The following LRP1 variants were observed in gnomAD, a reference collection of about 807,000 sequenced individuals.
LRP1 encodes prolow-density lipoprotein receptor-related protein 1.
LRP1 carries 51 observed loss-of-function variants against 541.5 expected under a neutral mutation model. That is an observed-to-expected ratio of 0.09 (90% CI 0.08 to 0.12). The LOEUF (loss-of-function observed/expected upper bound fraction) is 0.12, where lower values mean the gene tolerates loss of function less well. Ranked by LOEUF, LRP1 falls within the 10% of genes least tolerant of loss-of-function variation. The pLI, the probability that LRP1 is intolerant of heterozygous loss-of-function variation, is 1.00. For synonymous variants in LRP1, 2,219 were observed against 2,470.8 expected, an observed-to-expected ratio of 0.90 and a Z score of 3.02; for missense variants, 3,878 against 6,376.2, an observed-to-expected ratio of 0.61 and a Z score of 13.34.
chr12:57,201,008 C>T lies in LRP1; in HGVS notation c.10226-26C>T, dbSNP rs369571748. ...CTGCCCCTGAGTCCTCCCTTCGCCA[C>T]GAATCACCTCCTCCTCCCTCCACAG... On this transcript the variant is annotated intron_variant, in intron 64 of 88. Transcript: ENST00000243077. The surrounding 1 kb of genome is among the most constrained non-coding windows in gnomAD (Gnocchi z 6.4). The T allele has an allele frequency of 1.9e-5, 30 of 1,613,780 alleles. No individual in the cohort carries two copies. Among genetic ancestry groups the T allele is most frequent in the South Asian group, 6.6e-5 (6 of 91,038 alleles).
chr12:57,205,502 G>C lies in LRP1; in HGVS notation c.11470+17G>C, dbSNP rs781450836. 3.1e-6 allele frequency: 5 copies of C among 1,611,920 alleles called. No individual in the cohort carries two copies. Among genetic ancestry groups the C allele is most frequent in the South Asian group, 1.1e-5 (1 of 91,040 alleles). On this transcript the variant is annotated intron_variant, in intron 74 of 88. Coordinates refer to ENST00000243077, the MANE Select transcript of LRP1 (RefSeq NM_002332.3). This position sits in a 1 kb window ranked among gnomAD's most constrained non-coding sequence, Gnocchi z 4.6. Reference sequence around the variant, plus strand: ...GATGCCAAGGTAGGAAAGCGGGGCAGAGCAGGGGTGGACACCCCAACTGTG... The same window carrying C: ...GATGCCAAGGTAGGAAAGCGGGGCACAGCAGGGGTGGACACCCCAACTGTG...
At chr12:57,141,577 G>T in intron 3 of LRP1, 66 bp downstream of exon 3, 2 of 1,596,366 alleles carry the variant, frequency 1.3e-6, no homozygotes, top group Non-Finnish European at 1.7e-6. Context: ...ACCTTCCGAG[G>T]ACTGTCCTGG....
Position 57,211,930 on chromosome 12 carries a change from T to C in LRP1, c.13262T>C (p.Ile4421Thr), listed in dbSNP as rs140219533. 4.0e-5 allele frequency: 65 copies of C among 1,613,940 alleles called. No individual in the cohort carries two copies. Among genetic ancestry groups the C allele is most frequent in the Middle Eastern group, 1.6e-4 (1 of 6,084 alleles). ...HVFSQQQPGH[I>T]ASILIPLLLL... ...GTGTCCCACCTCTTCCCTCCAGATA[T>C]AGCCTCCATCCTAATCCCTCTGCTG... The change falls in exon 87 of 89, where the codon ATA becomes ACA. Residue 4421 changes from isoleucine to threonine, a missense_variant. By Grantham distance (89) the Ile-to-Thr change is moderately conservative. This residue lies in a region of LRP1 where 871 missense variants were observed against 1,212.4 expected (regional missense o/e 0.72). Transcript: ENST00000243077. This position sits in a 1 kb window ranked among gnomAD's most constrained non-coding sequence, Gnocchi z 4.3.
At chr12:57,210,909 A>G in intron 83 of LRP1, 30 bp downstream of exon 83, 1 of 1,597,166 alleles carries the variant, frequency 6.3e-7, no homozygotes, top group Non-Finnish European at 8.6e-7. Flanking sequence ...GCCCCAGGGC[A>G]TGCGGGAGGG....
chr12:57,185,243 G>A lies in LRP1; in HGVS notation c.6463+38G>A. Reference sequence around the variant, plus strand: ...CTCTGGGCTGGGGTGGAGAGGTGAGGGGGACTCTGGCCTGGGAGAGTGCTC... The same window carrying A: ...CTCTGGGCTGGGGTGGAGAGGTGAGAGGGACTCTGGCCTGGGAGAGTGCTC... On this transcript the variant is annotated intron_variant, in intron 40 of 88. Transcript: ENST00000243077. This position sits in a 1 kb window ranked among gnomAD's most constrained non-coding sequence, Gnocchi z 4.9. The A allele has an allele frequency of 6.2e-7, 1 of 1,611,142 alleles. No homozygotes were observed. Among genetic ancestry groups the A allele is most frequent in the Non-Finnish European group, 8.5e-7 (1 of 1,178,150 alleles).
chr12:57,135,495 T>G (rs1455600872), intron 1 of LRP1, among the ~76,000 whole-genome samples: 1 of 152,162 alleles, frequency 6.6e-6, no homozygotes, highest in Non-Finnish European at 1.5e-5. Flanking sequence ...CAAAGTAGTT[T>G]ATTTGTTTCT....
At position 57,204,784 on chromosome 12, in the gene LRP1, C is replaced by CG. The variant is rs774988280; in HGVS notation, c.11194+38dup. 6.2e-7 allele frequency: 1 copy of CG among 1,611,870 alleles called. No homozygotes were observed. The highest frequency in any genetic ancestry group is 8.5e-7 in the Non-Finnish European group (1 of 1,178,838). ...GGGCCGACGAGAGGCCTGCAGGGGA[C>CG]GGGTAGTGCACAGTGGGGTGAGTCT... On this transcript the variant is annotated intron_variant, in intron 72 of 88. Coordinates refer to ENST00000243077, the MANE Select transcript of LRP1 (RefSeq NM_002332.3). The surrounding 1 kb of genome is among the most constrained non-coding windows in gnomAD (Gnocchi z 5.3).
Position 57,184,262 on chromosome 12 carries a change from C to T in LRP1, c.6059+48C>T. Reference sequence around the variant, plus strand: ...CTTGTCATTCTGCCCATGGCCCATGCTGATGAGGCCCTGTCTCCTCCAGGG... The same window carrying T: ...CTTGTCATTCTGCCCATGGCCCATGTTGATGAGGCCCTGTCTCCTCCAGGG... On this transcript the variant is annotated intron_variant, in intron 37 of 88. Transcript: ENST00000243077. This position sits in a 1 kb window ranked among gnomAD's most constrained non-coding sequence, Gnocchi z 7.8. 6.2e-7 allele frequency: 1 copy of T among 1,613,612 alleles called. No individual in the cohort carries two copies. The highest frequency in any genetic ancestry group is 1.6e-4 in the Middle Eastern group (1 of 6,062).
intron 2 of LRP1, 44 bp downstream of exon 2, chr12:57,138,625 T>C (rs1468833901): frequency 3.1e-6 from 5 of 1,605,902 alleles, no homozygotes; most frequent in Middle Eastern, 1.7e-4. Flanking sequence ...CCTTAACTTA[T>C]CCCTCTTCCT....
At chr12:57,209,646 G>T (rs755702057) in intron 79 of LRP1, 46 bp from the exon 80 acceptor site, 1 of 1,550,836 alleles carries the variant, frequency 6.4e-7, no homozygotes, top group South Asian at 1.1e-5. Context: ...CATGGCCAGG[G>T]CCTGAGTGCC....
chr12:57,143,271 T>G (rs1056124231), intron 3 of LRP1, among the ~76,000 whole-genome samples: 1 of 152,144 alleles, frequency 6.6e-6, no homozygotes, highest in Non-Finnish European at 1.5e-5. Context: ...CACGATTCCA[T>G]GCCCACTTTT....
At chr12:57,169,819 CT>C (rs1051469830) in intron 20 of LRP1, among the ~76,000 whole-genome samples, 8 of 152,240 alleles carry the variant, frequency 5.3e-5, no homozygotes, top group African/African-American at 1.9e-4. Flanking sequence ...TCCCAGTGCC[CT>C]GGCCTCTGGG....
chr12:57,150,829 G>C (rs2035512054), intron 6 of LRP1, among the ~76,000 whole-genome samples: 2 of 152,164 alleles, frequency 1.3e-5, no homozygotes, highest in Non-Finnish European at 2.9e-5. Context: ...GCCTCAGTTG[G>C]AAGGTGACAG....
chr12:57,145,465 C>T lies in LRP1; in HGVS notation c.816C>T (p.Thr272=). Reference sequence around the variant, plus strand: ...TAAAGGGCTTCGTGGATGAGCACACCATCAACATCTCCCTCAGTCTGCACC... The same window carrying T: ...TAAAGGGCTTCGTGGATGAGCACACTATCAACATCTCCCTCAGTCTGCACC... ...PGLKGFVDEH[T]INISLSLHHV... The change falls in exon 6 of 89, where the codon ACC becomes ACT. Residue 272 remains threonine (T), a synonymous_variant. Coordinates refer to ENST00000243077, the MANE Select transcript of LRP1 (RefSeq NM_002332.3). 3 of 1,613,974 alleles carry T rather than the reference C, an allele frequency of 1.9e-6. No individual in the cohort carries two copies. The highest frequency in any genetic ancestry group is 1.7e-4 in the Middle Eastern group (1 of 6,060).
chr12:57,187,491 G>A, intron 42 of LRP1, 35 bp downstream of exon 42: 1 of 1,593,106 alleles, frequency 6.3e-7, no homozygotes, highest in Non-Finnish European at 8.6e-7. Flanking sequence ...GTAGCAGGGA[G>A]AGGTGGGACT....
At chr12:57,207,601 C>T (rs1195686951) in intron 76 of LRP1, among the ~76,000 whole-genome samples, 3 of 151,706 alleles carry the variant, frequency 2.0e-5, no homozygotes, top group Admixed American at 1.3e-4. Context: ...GGGCAGGGGG[C>T]AGTCTTAGGA....
At chr12:57,198,880 G>C (rs1456155555) in intron 60 of LRP1, among the ~76,000 whole-genome samples, 1 of 152,206 alleles carries the variant, frequency 6.6e-6, no homozygotes, top group Non-Finnish European at 1.5e-5. Flanking sequence ...AGGAAGAGGA[G>C]AGGCCCTTCC....
chr12:57,183,692 C>A lies in LRP1; in HGVS notation c.5795-83C>A. On this transcript the variant is annotated intron_variant, in intron 35 of 88. Transcript: ENST00000243077. The surrounding 1 kb of genome is among the most constrained non-coding windows in gnomAD (Gnocchi z 6.1). Reference sequence around the variant, plus strand: ...TGGCCCCTCCGGCACTCTCTCACCTCTGTCTTGAGCCTTGTGAGATTTTGA... The same window carrying A: ...TGGCCCCTCCGGCACTCTCTCACCTATGTCTTGAGCCTTGTGAGATTTTGA... The A allele has an allele frequency of 6.4e-7, 1 of 1,573,572 alleles. No individual in the cohort carries two copies.
In LRP1 at chr12:57,162,745, T is replaced by G; in HGVS notation, c.2405-113T>G. 1 of 1,242,882 alleles carries G rather than the reference T, an allele frequency of 8.0e-7. No homozygotes were observed. The highest frequency in any genetic ancestry group is 2.2e-5 in the Admixed American group (1 of 44,708). The allele number at this position is 1,242,882 out of a possible 1,614,324, so 77.0% of individuals were successfully genotyped here. Reference sequence around the variant, plus strand: ...GTTCTTCAACATGATCTTCTTCCTCTCCATATTTCCTCTTTCTGTCCCCAC... The same window carrying G: ...GTTCTTCAACATGATCTTCTTCCTCGCCATATTTCCTCTTTCTGTCCCCAC... On this transcript the variant is annotated intron_variant, in intron 14 of 88. Coordinates refer to ENST00000243077, the MANE Select transcript of LRP1 (RefSeq NM_002332.3). This position sits in a 1 kb window ranked among gnomAD's most constrained non-coding sequence, Gnocchi z 5.2.
Sources: allele counts gnomAD v4.1 joint callset (sites outside exome capture counted in the v4.1 genomes callset), GRCh38; gene constraint gnomAD v4.1.1; regional missense constraint gnomAD v4.1.1; non-coding constraint Gnocchi (gnomAD v3.1); transcripts MANE v1.5; gene names NCBI Gene and HGNC (gene_info 2026-07-23, HGNC 2026-07-21).